FAM107B: variants seen among roughly 807,000 people sequenced by gnomAD.
FAM107B encodes the protein protein FAM107B.
A neutral mutation model predicts 31.5 loss-of-function variants in FAM107B; 21 were observed. That is an observed-to-expected ratio of 0.67 (90% CI 0.47 to 0.96). The LOEUF is 0.96. Among genes scored for constraint, FAM107B ranks in the 40% least tolerant of loss-of-function variants. FAM107B has a pLI of 0.00. For missense variants in FAM107B, 452 were observed against 377.1 expected (o/e 1.20, Z -1.64); for synonymous variants, 157 against 141.5 (o/e 1.11, Z -0.78).
At chr10:14,762,884 A>G (rs1833085232) in intron 1 of FAM107B, among the ~76,000 whole-genome samples, 1 of 152,000 alleles carries the variant, frequency 6.6e-6, no homozygotes, top group Non-Finnish European at 1.5e-5. Context: ...CTTTACCCCC[A>G]TTTGATTAGA....
rs1389271497 is a variant in FAM107B at position 14,521,083 on chromosome 10, A to C, written c.*107T>G. The C allele has an allele frequency of 7.8e-6, 7 of 896,088 alleles. No individual in the cohort carries two copies. Among genetic ancestry groups the C allele is most frequent in the Non-Finnish European group, 1.2e-5 (7 of 575,122 alleles). 55.5% of individuals were successfully genotyped at this position (896,088 alleles called of 1,614,324 possible). A position where few individuals can be genotyped will look rare whatever the true frequency, so the allele number is the denominator to read the frequency against. On this transcript the variant is annotated 3_prime_UTR_variant, in exon 5 of 5. Transcript: ENST00000181796. ...AAACCAAATCCTACTGCAAGTCAAA[A>C]TTCTCTGCTGGCTGAAATATTCTCC...
At position 14,691,407 on chromosome 10, in the gene FAM107B, G is replaced by A. The variant is rs185509621; in HGVS notation, c.412-23716C>T. Among the ~76,000 whole-genome samples the A allele has an allele frequency of 5.9e-5, 9 of 152,270 alleles. No homozygotes were observed. The East Asian group carries it at 1.3e-3, about 23-fold the overall frequency. On this transcript the variant is annotated intron_variant, in intron 1 of 4. Coordinates refer to ENST00000181796, the MANE Select transcript of FAM107B (RefSeq NM_031453.4). Reference sequence around the variant, plus strand: ...TTCTGCGCTCTGCAGGTTACTCTGCGGGCCAAGCTCCCTCGCCCTGCTGAG... The same window carrying A: ...TTCTGCGCTCTGCAGGTTACTCTGCAGGCCAAGCTCCCTCGCCCTGCTGAG...
At chr10:14,613,086 C>T (rs1852764247) in intron 2 of FAM107B, among the ~76,000 whole-genome samples, 4 of 152,112 alleles carry the variant, frequency 2.6e-5, no homozygotes, top group Non-Finnish European at 5.9e-5. Flanking sequence ...ATTCTCCTGC[C>T]TCAGCCCCGC....
intron 3 of FAM107B, chr10:14,530,091 A>T (rs1281503565): frequency 2.4e-6 from 1 of 421,736 alleles, no homozygotes; most frequent in Admixed American, 4.1e-5. Context: ...TCCATTTCAG[A>T]AGGGAACCCG....
At chr10:14,659,008 C>A (rs2131460673) in intron 2 of FAM107B, among the ~76,000 whole-genome samples, 1 of 152,324 alleles carries the variant, frequency 6.6e-6, no homozygotes, top group East Asian at 1.9e-4. Context: ...GAAGCTCTCA[C>A]TGAAAACAAA....
At position 14,519,305 on chromosome 10, in the gene FAM107B, T is replaced by G. The variant is rs951558738; in HGVS notation, c.*1885A>C. On this transcript the variant is annotated 3_prime_UTR_variant, in exon 5 of 5. Coordinates refer to ENST00000181796, the MANE Select transcript of FAM107B (RefSeq NM_031453.4). ...CAGATTTCAAGATCTGACATCTAGT[T>G]AGATAAAAAGATATGAGCCAGTCCC... is the stretch of plus-strand genomic sequence containing the variant. 5 of 152,086 alleles carry G rather than the reference T, an allele frequency of 3.3e-5. No homozygotes were observed. Among genetic ancestry groups the G allele is most frequent in the South Asian group, 2.1e-4 (1 of 4,820 alleles). The allele number at this position is 152,086 out of a possible 1,614,324, so 9.4% of individuals were successfully genotyped here. A position where few individuals can be genotyped will look rare whatever the true frequency, so the allele number is the denominator to read the frequency against.
chr10:14,634,699 G>T (rs1853452325), intron 2 of FAM107B, among the ~76,000 whole-genome samples: 1 of 152,190 alleles, frequency 6.6e-6, no homozygotes, highest in Non-Finnish European at 1.5e-5. Flanking sequence ...GGCGTTAGCT[G>T]AGTTTCCCAT....
At chr10:14,600,036 C>A (rs532975505) in intron 2 of FAM107B, among the ~76,000 whole-genome samples, 18 of 152,204 alleles carry the variant, frequency 1.2e-4, no homozygotes, top group Admixed American at 3.3e-4. Flanking sequence ...GCATCTCTCT[C>A]CCCGTTTTCC....
At chr10:14,759,036 G>A (rs1007809182) in intron 1 of FAM107B, among the ~76,000 whole-genome samples, 13 of 151,766 alleles carry the variant, frequency 8.6e-5, no homozygotes, top group African/African-American at 2.9e-4. Context: ...AAATTAGCCA[G>A]GTGTGGTGGC....
At chr10:14,767,971 C>T (rs1393945335) in intron 1 of FAM107B, among the ~76,000 whole-genome samples, 3 of 152,110 alleles carry the variant, frequency 2.0e-5, no homozygotes, top group Non-Finnish European at 4.4e-5. Flanking sequence ...GATAAAGACC[C>T]CTGCACAAAA....
At chr10:14,722,839 T>C (rs976742811) in intron 1 of FAM107B, among the ~76,000 whole-genome samples, 4 of 152,186 alleles carry the variant, frequency 2.6e-5, no homozygotes, top group African/African-American at 9.6e-5. Context: ...TTCATCTATT[T>C]TTTATTTTAT....
chr10:14,717,029 G>T (rs949217376), intron 1 of FAM107B, among the ~76,000 whole-genome samples: 1 of 152,188 alleles, frequency 6.6e-6, no homozygotes, highest in Non-Finnish European at 1.5e-5. Context: ...GGCAGAGGTT[G>T]CAGGGAGCCG....
At chr10:14,705,465 T>C (rs1855497656) in intron 1 of FAM107B, among the ~76,000 whole-genome samples, 1 of 152,094 alleles carries the variant, frequency 6.6e-6, no homozygotes. Context: ...CAACCCAAAT[T>C]TTCCCTGATA....
chr10:14,713,857 A>G lies in FAM107B; in HGVS notation c.412-46166T>C, dbSNP rs189850191. Among the ~76,000 whole-genome samples, 380 of 152,318 alleles carry G rather than the reference A, an allele frequency of 2.5e-3. 3 individuals are homozygous for G. The highest frequency in any genetic ancestry group is 8.6e-3 in the African/African-American group (358 of 41,556). ...TGGATATTATGCAGCCATAATAAAGAATAAGATCATGTTCTTTGCAGCAAC... is the reference window on the plus strand; with the variant it reads ...TGGATATTATGCAGCCATAATAAAGGATAAGATCATGTTCTTTGCAGCAAC... On this transcript the variant is annotated intron_variant, in intron 1 of 4. Coordinates refer to ENST00000181796, the MANE Select transcript of FAM107B (RefSeq NM_031453.4).
intron 1 of FAM107B, among the ~76,000 whole-genome samples, chr10:14,712,608 C>T (rs1037625854): frequency 1.1e-4 from 10 of 92,422 alleles, no homozygotes; most frequent in Non-Finnish European, 6.3e-5. Context: ...CCCTGACTCC[C>T]ACCAAAAAAC....
In FAM107B at chr10:14,521,144, A is replaced by C; in HGVS notation, c.*46T>G. The C allele has an allele frequency of 1.8e-5, 26 of 1,480,042 alleles. No individual in the cohort carries two copies. Among genetic ancestry groups the C allele is most frequent in the Middle Eastern group, 1.7e-4 (1 of 5,736 alleles). The allele number at this position is 1,480,042 out of a possible 1,614,324, so 91.7% of individuals were successfully genotyped here. A position where few individuals can be genotyped will look rare whatever the true frequency, so the allele number is the denominator to read the frequency against. On this transcript the variant is annotated 3_prime_UTR_variant, in exon 5 of 5. Transcript: ENST00000181796. ...GCCCTGAGATTGAGAAGGCACCCACAGACAGCTCTGTGGGGTGACACACGA... is the reference window on the plus strand; with the variant it reads ...GCCCTGAGATTGAGAAGGCACCCACCGACAGCTCTGTGGGGTGACACACGA...
intron 2 of FAM107B, among the ~76,000 whole-genome samples, chr10:14,660,137 T>C (rs1360512569): frequency 6.6e-6 from 1 of 152,128 alleles, no homozygotes; most frequent in East Asian, 1.9e-4. Context: ...GCCTCCAACT[T>C]ACAGGATTCT....
chr10:14,653,566 G>C (rs1017316678), intron 2 of FAM107B, among the ~76,000 whole-genome samples: 1 of 152,094 alleles, frequency 6.6e-6, no homozygotes, highest in Non-Finnish European at 1.5e-5. Context: ...AAGCACCTGT[G>C]CCATCATGGT....
intron 2 of FAM107B, among the ~76,000 whole-genome samples, chr10:14,559,631 G>A (rs112687802): frequency 0.023 from 3,411 of 150,900 alleles, 67 homozygotes; most frequent in East Asian, 0.089. Flanking sequence ...GTGCAGTGGC[G>A]CAATCTCGGC....
Sources: allele counts gnomAD v4.1 joint callset (sites outside exome capture counted in the v4.1 genomes callset), GRCh38; gene constraint gnomAD v4.1.1; transcripts MANE v1.5; gene names NCBI Gene and HGNC (gene_info 2026-07-23, HGNC 2026-07-21).